DTWD2: variants seen among roughly 807,000 people sequenced by gnomAD.
DTWD2 encodes the protein DTW motif tRNA-uridine aminocarboxypropyltransferase 2, also known as tRNA-uridine aminocarboxypropyltransferase 2.
Under a neutral mutation model 31.8 loss-of-function variants are expected in DTWD2, and 39 were observed. That is an observed-to-expected ratio of 1.22 (90% confidence interval 0.95 to 1.60). The LOEUF is 1.60. Among genes scored for constraint, DTWD2 ranks in the 40% most tolerant of loss-of-function variants. The probability of loss-of-function intolerance (pLI) is 0.00; values close to 1 mark genes in which losing one functional copy is unlikely to be tolerated. For synonymous variants in DTWD2, 180 were observed against 142.8 expected (o/e 1.26, Z -1.86); for missense variants, 515 against 381.5 (o/e 1.35, Z -2.92).
intron 1 of DTWD2, among the ~76,000 whole-genome samples, chr5:118,971,304 T>C (rs1021707125): frequency 6.6e-6 from 1 of 151,764 alleles, no homozygotes; most frequent in African/African-American, 2.4e-5. Flanking sequence ...ACCAAGCAAA[T>C]GGAAAACAGA....
chr5:118,848,074 C>G lies in DTWD2; in HGVS notation c.726+16G>C, dbSNP rs369571082. On this transcript the variant is annotated intron_variant, in intron 5 of 5. Coordinates refer to ENST00000510708, the MANE Select transcript of DTWD2 (RefSeq NM_173666.4). Reference sequence around the variant, plus strand: ...AAACTCCCACTTTGAAAAACTATAACCTTACAAAGACGTACCTCTTGTATG... The same window carrying G: ...AAACTCCCACTTTGAAAAACTATAAGCTTACAAAGACGTACCTCTTGTATG... 4.1e-5 allele frequency: 63 copies of G among 1,524,462 alleles called. No individual in the cohort carries two copies. In the African/African-American group the frequency reaches 8.4e-4, roughly 20 times the overall value. The allele number at this position is 1,524,462 out of a possible 1,614,324, so 94.4% of individuals were successfully genotyped here.
At chr5:118,893,265 G>T (rs1009878404) in intron 4 of DTWD2, among the ~76,000 whole-genome samples, 2 of 150,732 alleles carry the variant, frequency 1.3e-5, no homozygotes, top group African/African-American at 4.9e-5. Flanking sequence ...GGAGGCTGAG[G>T]CACGAGAATC....
intron 4 of DTWD2, among the ~76,000 whole-genome samples, chr5:118,924,290 A>G (rs1050842678): frequency 1.3e-5 from 2 of 152,206 alleles, no homozygotes; most frequent in African/African-American, 4.8e-5. Flanking sequence ...AAGTCCATTC[A>G]TAAGAGAAAA....
At position 118,935,956 on chromosome 5, in the gene DTWD2, T is replaced by TA. The variant is rs1754036237; in HGVS notation, c.404+3239dup. Among the ~76,000 whole-genome samples the TA allele has an allele frequency of 3.9e-5, 6 of 152,188 alleles. No individual in the cohort carries two copies. The South Asian group carries it at 1.2e-3, about 32-fold the overall frequency. On this transcript the variant is annotated intron_variant, in intron 3 of 5. Transcript: ENST00000510708. ...GAGGAATATAGTCTTTTCTTGTGCA[T>TA]ATAGAATATTTACCAAAAGACAGAT...
At chr5:118,925,121 ATTC>A (rs1298003923) in intron 4 of DTWD2, among the ~76,000 whole-genome samples, 2 of 152,216 alleles carry the variant, frequency 1.3e-5, no homozygotes, top group African/African-American at 4.8e-5. Context: ...TTCCATTGTT[ATTC>A]TTCACTAAGT....
chr5:118,880,211 C>A (rs1245393531), intron 4 of DTWD2, among the ~76,000 whole-genome samples: 5 of 152,248 alleles, frequency 3.3e-5, no homozygotes, highest in South Asian at 4.1e-4. Flanking sequence ...CTGTCTAATT[C>A]TTAGACCCAC....
intron 4 of DTWD2, among the ~76,000 whole-genome samples, chr5:118,925,986 T>G (rs1261810875): frequency 2.6e-5 from 4 of 152,032 alleles, no homozygotes; most frequent in African/African-American, 9.7e-5. Flanking sequence ...CCCCAGCACT[T>G]TGGGAAGCCG....
chr5:118,965,257 C>T (rs937326815), intron 1 of DTWD2, among the ~76,000 whole-genome samples: 1 of 151,016 alleles, frequency 6.6e-6, no homozygotes, highest in African/African-American at 2.4e-5. Context: ...CCGCCCCGTC[C>T]GGGAGGTGGG....
At chr5:118,872,330 T>C (rs1185711844) in intron 4 of DTWD2, among the ~76,000 whole-genome samples, 4 of 152,252 alleles carry the variant, frequency 2.6e-5, no homozygotes, top group Non-Finnish European at 2.9e-5. Context: ...CTTGGCTATC[T>C]AGCTTGGTAC....
chr5:118,925,355 C>T (rs1235879776), intron 4 of DTWD2, among the ~76,000 whole-genome samples: 1 of 152,110 alleles, frequency 6.6e-6, no homozygotes, highest in Non-Finnish European at 1.5e-5. Context: ...AGAGAATGTA[C>T]ATTTTTATAG....
chr5:118,959,784 A>C (rs147172527), intron 1 of DTWD2, among the ~76,000 whole-genome samples: 114 of 152,070 alleles, frequency 7.5e-4, no homozygotes, highest in Non-Finnish European at 1.4e-3. Flanking sequence ...AGAATAGAGT[A>C]AAGCCACATA....
At chr5:118,857,703 A>C (rs949582717) in intron 4 of DTWD2, among the ~76,000 whole-genome samples, 3 of 152,184 alleles carry the variant, frequency 2.0e-5, no homozygotes, top group African/African-American at 7.2e-5. Context: ...CACCAAAGTC[A>C]CCTAAAAGAA....
chr5:118,987,265 C>G (rs1755449403), intron 1 of DTWD2, among the ~76,000 whole-genome samples: 1 of 152,156 alleles, frequency 6.6e-6, no homozygotes, highest in African/African-American at 2.4e-5. Context: ...AATTTTCCAT[C>G]CTCCTCAGAG....
chr5:118,846,920 GCACACACACACACACACACACA>G (rs144531960), intron 5 of DTWD2, among the ~76,000 whole-genome samples: 4 of 134,870 alleles, frequency 3.0e-5, no homozygotes, highest in Admixed American at 7.7e-5. Flanking sequence ...AAACACACAG[GCACACACACACACACACACACA>G]CACACACACA....
chr5:118,965,112 A>AGAACGG, intron 1 of DTWD2, among the ~76,000 whole-genome samples: 1 of 134,642 alleles, frequency 7.4e-6, no homozygotes, highest in Admixed American at 7.5e-5. Flanking sequence ...GGAGGTGAGG[A>AGAACGG]GCGTCTCTGC....
chr5:118,886,657 G>C (rs1404156902), intron 4 of DTWD2, among the ~76,000 whole-genome samples: 1 of 152,048 alleles, frequency 6.6e-6, no homozygotes. Context: ...AGAGAATGCT[G>C]TATACTACAT....
intron 4 of DTWD2, among the ~76,000 whole-genome samples, chr5:118,857,134 T>A (rs2149542596): frequency 6.6e-6 from 1 of 152,038 alleles, no homozygotes; most frequent in Admixed American, 6.5e-5. Context: ...CACGTACACT[T>A]CCATTAAAAA....
intron 1 of DTWD2, among the ~76,000 whole-genome samples, chr5:118,967,062 A>C (rs537522148): frequency 3.3e-5 from 5 of 152,220 alleles, no homozygotes; most frequent in African/African-American, 1.2e-4. Flanking sequence ...TAACTCAAAA[A>C]AAAAAAAAGT....
In DTWD2 at chr5:118,884,732, C is replaced by T. The variant is rs555193337; in HGVS notation, c.598-36514G>A. 3.3e-5 allele frequency among the ~76,000 whole-genome samples: 5 copies of T among 152,058 alleles called. No individual in the cohort carries two copies. The South Asian group carries it at 6.2e-4, about 19-fold the overall frequency. On this transcript the variant is annotated intron_variant, in intron 4 of 5. Coordinates refer to ENST00000510708, the MANE Select transcript of DTWD2 (RefSeq NM_173666.4). ...AAAAACCTTCCAGGTTGGGGCTGGGCGTGGTGGCTCATGCCTGTAATCCCA... is the reference window on the plus strand; with the variant it reads ...AAAAACCTTCCAGGTTGGGGCTGGGTGTGGTGGCTCATGCCTGTAATCCCA...
Sources: allele counts gnomAD v4.1 joint callset (sites outside exome capture counted in the v4.1 genomes callset), GRCh38; gene constraint gnomAD v4.1.1; transcripts MANE v1.5; gene names NCBI Gene and HGNC (gene_info 2026-07-23, HGNC 2026-07-21).